NELL1: variants seen among roughly 807,000 people sequenced by gnomAD.
The protein encoded by NELL1 is neural EGFL like 1.
In NELL1, 76 loss-of-function variants were observed where a neutral mutation model predicts 107.4. That is an observed-to-expected ratio of 0.71 (90% CI 0.59 to 0.86). The LOEUF (loss-of-function observed/expected upper bound fraction) is 0.86, where lower values mean the gene tolerates loss of function less well. Among genes scored for constraint, NELL1 ranks in the 40% least tolerant of loss-of-function variants. NELL1 has a pLI of 0.00. For synonymous variants in NELL1, 353 were observed against 341.2 expected, an observed-to-expected ratio of 1.03 and a Z score of -0.38; for missense variants, 1,024 against 1,005.5, an observed-to-expected ratio of 1.02 and a Z score of -0.25.
intron 14 of NELL1, among the ~76,000 whole-genome samples, chr11:21,309,665 T>C (rs555351405): frequency 6.6e-6 from 1 of 151,946 alleles, no homozygotes; most frequent in Non-Finnish European, 1.5e-5. Context: ...GAGTTACAGT[T>C]CCACATGGCT....
intron 14 of NELL1, among the ~76,000 whole-genome samples, chr11:21,364,121 A>G (rs560368156): frequency 6.6e-6 from 1 of 152,264 alleles, no homozygotes; most frequent in African/African-American, 2.4e-5. Context: ...GTAATGTAAA[A>G]GACTTCAGGC....
intron 13 of NELL1, among the ~76,000 whole-genome samples, chr11:21,197,309 A>G (rs1010949826): frequency 6.6e-6 from 1 of 151,642 alleles, no homozygotes; most frequent in Non-Finnish European, 1.5e-5. Flanking sequence ...ACTCAGGATT[A>G]TATGTCCAGA....
intron 14 of NELL1, among the ~76,000 whole-genome samples, chr11:21,308,856 C>T (rs891591064): frequency 1.3e-5 from 2 of 151,752 alleles, no homozygotes; most frequent in Non-Finnish European, 2.9e-5. Context: ...CAAACATGTT[C>T]CTTTTGATCA....
chr11:21,372,589 T>G (rs1851381016), intron 15 of NELL1, among the ~76,000 whole-genome samples: 1 of 151,988 alleles, frequency 6.6e-6, no homozygotes, highest in African/African-American at 2.4e-5. Context: ...ACAAAGCCTG[T>G]GTTATCAAAC....
intron 12 of NELL1, among the ~76,000 whole-genome samples, chr11:21,021,901 G>C (rs1290689686): frequency 6.6e-6 from 1 of 152,048 alleles, no homozygotes; most frequent in Non-Finnish European, 1.5e-5. Flanking sequence ...GAAGAATACA[G>C]TTTCACCAAA....
At chr11:21,213,512 GAATTGAATC>G (rs895232732) in intron 13 of NELL1, among the ~76,000 whole-genome samples, 14 of 151,974 alleles carry the variant, frequency 9.2e-5, no homozygotes, top group Admixed American at 3.3e-4. Flanking sequence ...GAATTGAATT[GAATTGAATC>G]AATTGAATCA....
At chr11:20,713,876 A>G (rs951032260) in intron 2 of NELL1, among the ~76,000 whole-genome samples, 2 of 152,070 alleles carry the variant, frequency 1.3e-5, no homozygotes, top group East Asian at 3.9e-4. Context: ...TATTTTGTGC[A>G]GCTCCCTAAA....
At chr11:20,679,608 T>G (rs936109340) in intron 2 of NELL1, among the ~76,000 whole-genome samples, 6 of 152,208 alleles carry the variant, frequency 3.9e-5, no homozygotes, top group African/African-American at 1.4e-4. Flanking sequence ...TGAATTACTT[T>G]GTTTTTGCAT....
chr11:21,448,460 AT>A lies in NELL1; in HGVS notation c.1645+77517del, dbSNP rs555286768. 1.9e-3 allele frequency among the ~76,000 whole-genome samples: 284 copies of A among 152,298 alleles called. 1 individual carries two copies. The highest frequency in any genetic ancestry group is 6.8e-3 in the African/African-American group (281 of 41,568). On this transcript the variant is annotated intron_variant, in intron 15 of 19. Transcript: ENST00000357134. ...TAAGAGTTTCTCATTAATAAAATTA[AT>A]TTTTAATTATTAAGTGCTGCATAAT...
At chr11:21,220,615 GT>G (rs201691549) in intron 13 of NELL1, among the ~76,000 whole-genome samples, 2 of 151,570 alleles carry the variant, frequency 1.3e-5, no homozygotes, top group Non-Finnish European at 2.9e-5. Flanking sequence ...ATTCCTAGGT[GT>G]TTTTTTTGTA....
At chr11:21,201,209 A>T (rs1857262352) in intron 13 of NELL1, among the ~76,000 whole-genome samples, 1 of 152,158 alleles carries the variant, frequency 6.6e-6, no homozygotes, top group South Asian at 2.1e-4. Context: ...TGAATCTATA[A>T]ATTACTATGG....
intron 4 of NELL1, among the ~76,000 whole-genome samples, chr11:20,862,431 C>G (rs1439283104): frequency 6.6e-6 from 1 of 152,114 alleles, no homozygotes; most frequent in African/African-American, 2.4e-5. Flanking sequence ...TACTTTGTTA[C>G]AACTGATGAA....
chr11:21,399,571 C>T (rs936022859), intron 15 of NELL1, among the ~76,000 whole-genome samples: 1 of 151,552 alleles, frequency 6.6e-6, no homozygotes, highest in Admixed American at 6.6e-5. Context: ...ACATTATATA[C>T]CAGATGCAGA....
intron 10 of NELL1, among the ~76,000 whole-genome samples, chr11:20,945,296 G>T (rs1024865304): frequency 2.0e-5 from 3 of 152,212 alleles, no homozygotes; most frequent in Non-Finnish European, 4.4e-5. Flanking sequence ...ATGGGCTCTG[G>T]AGCATACATT....
intron 15 of NELL1, among the ~76,000 whole-genome samples, chr11:21,375,199 G>GC (rs1167244704): frequency 1.3e-5 from 2 of 151,784 alleles, no homozygotes; most frequent in African/African-American, 2.4e-5. Context: ...TTCAGCCTTT[G>GC]CCCCCTCCTT....
chr11:21,112,803 T>C (rs973588762), intron 12 of NELL1, among the ~76,000 whole-genome samples: 15 of 152,074 alleles, frequency 9.9e-5, no homozygotes, highest in Non-Finnish European at 2.9e-5. Context: ...ATTCCCATGA[T>C]GTACTCATGT....
intron 14 of NELL1, among the ~76,000 whole-genome samples, chr11:21,293,364 A>G (rs934300055): frequency 4.6e-5 from 7 of 152,236 alleles, no homozygotes; most frequent in African/African-American, 1.7e-4. Context: ...AGAAATACAA[A>G]TCAAGATCAC....
chr11:20,956,374 C>T (rs189655829), intron 11 of NELL1, among the ~76,000 whole-genome samples: 136 of 152,178 alleles, frequency 8.9e-4, no homozygotes, highest in African/African-American at 3.0e-3. Context: ...AGGCTGGGTG[C>T]GGTGGCTCAC....
rs531160828 is a variant in NELL1 at position 20,929,987 on chromosome 11, A to G, written c.997+1508A>G. Reference sequence around the variant, plus strand: ...TCTGTCTCAAAAAAAAAAAAGAAAAAAAAAAAAAGGCTATTAGGGATGTAT... The same window carrying G: ...TCTGTCTCAAAAAAAAAAAAGAAAAGAAAAAAAAGGCTATTAGGGATGTAT... On this transcript the variant is annotated intron_variant, in intron 9 of 19. Transcript: ENST00000357134. Among the ~76,000 whole-genome samples, 904 of 151,820 alleles carry G rather than the reference A, an allele frequency of 6.0e-3. 39 individuals carry two copies. Among genetic ancestry groups the G allele is most frequent in the Admixed American group, 0.052 (789 of 15,244 alleles).
Sources: gnomAD v4.1 joint callset for allele counts (sites outside exome capture counted in the v4.1 genomes callset) on GRCh38, gnomAD v4.1.1 for gene constraint, MANE v1.5 for transcripts, NCBI Gene and HGNC (gene_info 2026-07-23, HGNC 2026-07-21) for gene names.